TNFAIP1: variants seen among roughly 807,000 people sequenced by gnomAD.
TNFAIP1 encodes TNF alpha induced protein 1.
Under a neutral mutation model 32.6 loss-of-function variants are expected in TNFAIP1, and 20 were observed. That is an observed-to-expected ratio of 0.61 (90% confidence interval 0.43 to 0.89). The LOEUF (loss-of-function observed/expected upper bound fraction) is 0.89. Ranked by LOEUF, TNFAIP1 falls within the 40% of genes least tolerant of loss-of-function variation. The probability of loss-of-function intolerance (pLI) is 0.00; values close to 1 mark genes in which losing one functional copy is unlikely to be tolerated. For missense variants in TNFAIP1, 319 were observed against 425.1 expected (o/e 0.75, Z 2.20); for synonymous variants, 166 against 166.8 (o/e 1.00, Z 0.04).
chr17:28,346,973 C>T lies in TNFAIP1; in HGVS notation c.*2373C>T, dbSNP rs1232280614. ...GGTTGCTCAGCATAAGTGATGGAAG[C>T]AAACACTAATTTCTAATAAAATTGT... On this transcript the variant is annotated 3_prime_UTR_variant, in exon 7 of 7. Coordinates refer to ENST00000226225, the MANE Select transcript of TNFAIP1 (RefSeq NM_021137.5). 1 of 152,226 alleles carries T rather than the reference C, an allele frequency of 6.6e-6. No individual in the cohort carries two copies. The highest frequency in any genetic ancestry group is 1.9e-4 in the East Asian group (1 of 5,202). The allele number at this position is 152,226 out of a possible 1,614,324, so 9.4% of individuals were successfully genotyped here.
Position 28,339,426 on chromosome 17 carries a change from C to T in TNFAIP1, c.-96C>T. On this transcript the variant is annotated 5_prime_UTR_variant, in exon 2 of 7. Coordinates refer to ENST00000226225, the MANE Select transcript of TNFAIP1 (RefSeq NM_021137.5). Reference sequence around the variant, plus strand: ...TGTACAGCACTGAGATTATGAGGCTCTGGCCTCCACTGGCCACTCACTCGT... The same window carrying T: ...TGTACAGCACTGAGATTATGAGGCTTTGGCCTCCACTGGCCACTCACTCGT... 5 of 1,224,890 alleles carry T rather than the reference C, an allele frequency of 4.1e-6. No individual in the cohort carries two copies. The highest frequency in any genetic ancestry group is 5.5e-6 in the Non-Finnish European group (5 of 901,892). The allele number at this position is 1,224,890 out of a possible 1,614,324, so 75.9% of individuals were successfully genotyped here.
intron 6 of TNFAIP1, among the ~76,000 whole-genome samples, chr17:28,343,641 G>A (rs1007691258): frequency 9.9e-5 from 15 of 151,936 alleles, no homozygotes; most frequent in Admixed American, 3.9e-4. Flanking sequence ...AAGTGGCAGC[G>A]CACCTGGCAT....
Position 28,342,156 on chromosome 17 carries a change from G to C in TNFAIP1, c.519-91G>C. On this transcript the variant is annotated intron_variant, in intron 5 of 6. Transcript: ENST00000226225. The surrounding 1 kb of genome is among the most constrained non-coding windows in gnomAD (Gnocchi z 4.0). ...TTCATTTCGGCAGGACAGGATGGGG[G>C]AAGGGAGGGAGGGGAGGGCCCCACT... 2 of 1,151,248 alleles carry C rather than the reference G, an allele frequency of 1.7e-6. No homozygotes were observed. The highest frequency in any genetic ancestry group is 2.4e-6 in the Non-Finnish European group (2 of 835,254). The allele number at this position is 1,151,248 out of a possible 1,614,324, so 71.3% of individuals were successfully genotyped here.
In TNFAIP1 at chr17:28,346,081, G is replaced by A. The variant is rs1366031534; in HGVS notation, c.*1481G>A. On this transcript the variant is annotated 3_prime_UTR_variant, in exon 7 of 7. Coordinates refer to ENST00000226225, the MANE Select transcript of TNFAIP1 (RefSeq NM_021137.5). ...TCTCTTGACTACTCTTATGATAGCT[G>A]ATGCCACAGAGCCTATGGGCAAATG... 6.6e-6 allele frequency: 1 copy of A among 152,258 alleles called. No homozygotes were observed. The highest frequency in any genetic ancestry group is 1.5e-5 in the Non-Finnish European group (1 of 68,048). 9.4% of individuals were successfully genotyped at this position (152,258 alleles called of 1,614,324 possible). A position where few individuals can be genotyped will look rare whatever the true frequency, so the allele number is the denominator to read the frequency against.
Position 28,339,429 on chromosome 17 carries a change from G to A in TNFAIP1, c.-93G>A. 3 of 1,256,720 alleles carry A rather than the reference G, an allele frequency of 2.4e-6. No homozygotes were observed. Among genetic ancestry groups the A allele is most frequent in the Non-Finnish European group, 3.2e-6 (3 of 929,594 alleles). The allele number at this position is 1,256,720 out of a possible 1,614,324, so 77.8% of individuals were successfully genotyped here. ...ACAGCACTGAGATTATGAGGCTCTG[G>A]CCTCCACTGGCCACTCACTCGTGAC... On this transcript the variant is annotated 5_prime_UTR_variant, in exon 2 of 7. An upstream open reading frame in the 5' UTR gains an earlier in-frame stop. Transcript: ENST00000226225.
rs3093690 is a variant in TNFAIP1 at position 28,343,162 on chromosome 17, A to G, written c.714+720A>G. On this transcript the variant is annotated intron_variant, in intron 6 of 6. Coordinates refer to ENST00000226225, the MANE Select transcript of TNFAIP1 (RefSeq NM_021137.5). The stretch of plus-strand genomic sequence containing the variant: ...CCACTTCCAAACACTTTTAATAATA[A>G]TAAAATAAAATCTCCTTACTGGCCC... 6.4e-3 allele frequency among the ~76,000 whole-genome samples: 974 copies of G among 152,242 alleles called. 14 individuals carry two copies. The highest frequency in any genetic ancestry group is 0.022 in the African/African-American group (931 of 41,524).
chr17:28,344,456 C>T lies in TNFAIP1; in HGVS notation c.807C>T (p.Ala269=). Reference sequence around the variant, plus strand: ...TCCCCGACAACTCCTTGTTGGAGGCCACAAGCCGTAGCCGCAGCCAGGCTT... The same window carrying T: ...TCCCCGACAACTCCTTGTTGGAGGCTACAAGCCGTAGCCGCAGCCAGGCTT... ...PRVPDNSLLE[A]TSRSRSQASP... is the part of the protein sequence containing the mutation. Residue 269 remains alanine (A), a synonymous_variant, in exon 7 of 7, where the codon GCC becomes GCT. Coordinates refer to ENST00000226225, the MANE Select transcript of TNFAIP1 (RefSeq NM_021137.5). 1 of 1,613,934 alleles carries T rather than the reference C, an allele frequency of 6.2e-7. No homozygotes were observed. The highest frequency in any genetic ancestry group is 8.5e-7 in the Non-Finnish European group (1 of 1,180,032).
At chr17:28,343,524 C>A (rs1555578461) in intron 6 of TNFAIP1, among the ~76,000 whole-genome samples, 1 of 102,210 alleles carries the variant, frequency 9.8e-6, no homozygotes, top group Non-Finnish European at 1.8e-5. Flanking sequence ...CTTCCTTCTG[C>A]GGTTTTTGGT....
In TNFAIP1 at chr17:28,340,111, G is replaced by A. The variant is rs894685292; in HGVS notation, c.206-198G>A. On this transcript the variant is annotated intron_variant, in intron 2 of 6. Transcript: ENST00000226225. The surrounding 1 kb of genome is among the most constrained non-coding windows in gnomAD (Gnocchi z 4.1). ...CCCCCGTGGGATGTGCCAGTTCTGG[G>A]TTTCAGAGAGGAAGGGTGAAGAGCA... Among the ~76,000 whole-genome samples the A allele has an allele frequency of 2.0e-5, 3 of 152,114 alleles. No homozygotes were observed. The highest frequency in any genetic ancestry group is 2.9e-5 in the Non-Finnish European group (2 of 68,014).
intron 1 of TNFAIP1, 119 bp from the exon 2 acceptor site, chr17:28,339,289 G>A: frequency 2.5e-6 from 1 of 393,398 alleles, no homozygotes; most frequent in Non-Finnish European, 4.5e-6. Flanking sequence ...CTTAGCCTCT[G>A]CCAGGGAGCA....
Position 28,339,705 on chromosome 17 carries a change from G to C in TNFAIP1, c.184G>C (p.Glu62Gln), listed in dbSNP as rs1907298943. Reference sequence around the variant, plus strand: ...CAAGGCCATGTTCAGTGGGCGCATGGAGGTGCTGACCGACAAAGAAGGTGA... The same window carrying C: ...CAAGGCCATGTTCAGTGGGCGCATGCAGGTGCTGACCGACAAAGAAGGTGA... ...MLKAMFSGRMEVLTDKEGWIL... is the reference protein window; with the variant it reads ...MLKAMFSGRMQVLTDKEGWIL... The change falls in exon 2 of 7, where the codon GAG becomes CAG. Residue 62 changes from glutamate to glutamine, a missense_variant. Coordinates refer to ENST00000226225, the MANE Select transcript of TNFAIP1 (RefSeq NM_021137.5). 6.2e-7 allele frequency: 1 copy of C among 1,613,952 alleles called. No homozygotes were observed. Among genetic ancestry groups the C allele is most frequent in the Non-Finnish European group, 8.5e-7 (1 of 1,179,994 alleles).
intron 2 of TNFAIP1, among the ~76,000 whole-genome samples, chr17:28,339,946 G>T (rs1907306643): frequency 6.6e-6 from 1 of 152,190 alleles, no homozygotes; most frequent in African/African-American, 2.4e-5. Context: ...ATTTAAATAG[G>T]ACAAGATTCT....
intron 1 of TNFAIP1, among the ~76,000 whole-genome samples, chr17:28,338,091 A>G (rs782400578): frequency 1.4e-4 from 21 of 152,222 alleles, no homozygotes; most frequent in Non-Finnish European, 3.1e-4. Flanking sequence ...ACTGCTTAAC[A>G]TAGTAGGCAC....
In TNFAIP1 at chr17:28,344,350, CT is replaced by C; in HGVS notation, c.715-13del. On this transcript the variant is annotated splice_polypyrimidine_tract_variant and intron_variant, in intron 6 of 6. Coordinates refer to ENST00000226225, the MANE Select transcript of TNFAIP1 (RefSeq NM_021137.5). The stretch of plus-strand genomic sequence containing the variant: ...GATGAAACCTTGCTCCACCTTCTTC[CT>C]CCCTAACCCCAGGTGGAATTCCCAG... 6.2e-7 allele frequency: 1 copy of C among 1,607,234 alleles called. No individual in the cohort carries two copies. The highest frequency in any genetic ancestry group is 8.5e-7 in the Non-Finnish European group (1 of 1,174,600).
intron 6 of TNFAIP1, among the ~76,000 whole-genome samples, chr17:28,343,863 G>C (rs1425359786): frequency 6.6e-6 from 1 of 152,090 alleles, no homozygotes; most frequent in African/African-American, 2.4e-5. Flanking sequence ...GCGTCAGGCA[G>C]GCAGAGAAAG....
At chr17:28,343,517 C>T (rs1268626600) in intron 6 of TNFAIP1, among the ~76,000 whole-genome samples, 1 of 147,126 alleles carries the variant, frequency 6.8e-6, no homozygotes, top group African/African-American at 2.5e-5. Flanking sequence ...GGCCCTGCTT[C>T]CTTCTGCGGT....
intron 1 of TNFAIP1, among the ~76,000 whole-genome samples, chr17:28,339,202 C>CA (rs1907269779): frequency 6.7e-6 from 1 of 148,564 alleles, no homozygotes; most frequent in African/African-American, 2.5e-5. Flanking sequence ...GGCACCACTG[C>CA]ACTCCAGCCT....
At position 28,342,359 on chromosome 17, in the gene TNFAIP1, T is replaced by C. The variant is rs1014010051; in HGVS notation, c.631T>C (p.Trp211Arg). Residue 211 changes from tryptophan to arginine, a missense_variant, in exon 6 of 7, where the codon TGG becomes CGG. Physicochemically the swap from Trp to Arg is moderately radical, Grantham distance 101. Coordinates refer to ENST00000226225, the MANE Select transcript of TNFAIP1 (RefSeq NM_021137.5). This position sits in a 1 kb window ranked among gnomAD's most constrained non-coding sequence, Gnocchi z 4.0. Reference protein sequence around the residue: ...KDVIGDEICCWSFYGQGRKLA... With the variant: ...KDVIGDEICCRSFYGQGRKLA... ...TGTCATTGGTGACGAGATCTGCTGC[T>C]GGTCCTTTTATGGCCAGGGCCGTAA... 6.2e-7 allele frequency: 1 copy of C among 1,608,148 alleles called. No individual in the cohort carries two copies. Among genetic ancestry groups the C allele is most frequent in the Non-Finnish European group, 8.5e-7 (1 of 1,174,844 alleles).
chr17:28,342,493 C>T lies in TNFAIP1; in HGVS notation c.714+51C>T, dbSNP rs781931596. On this transcript the variant is annotated intron_variant, in intron 6 of 6. Transcript: ENST00000226225. This position sits in a 1 kb window ranked among gnomAD's most constrained non-coding sequence, Gnocchi z 4.0. ...TAGGGGAGGACACACACCCACTGTG[C>T]GGGGGACGTGGTCGGGCTGTGACCA... The T allele has an allele frequency of 5.3e-6, 8 of 1,510,292 alleles. No homozygotes were observed. Among genetic ancestry groups the T allele is most frequent in the African/African-American group, 2.7e-5 (2 of 73,084 alleles). 93.6% of individuals were successfully genotyped at this position (1,510,292 alleles called of 1,614,324 possible).
Sources: allele counts gnomAD v4.1 joint callset (sites outside exome capture counted in the v4.1 genomes callset), GRCh38; gene constraint gnomAD v4.1.1; non-coding constraint Gnocchi (gnomAD v3.1); transcripts MANE v1.5; gene names NCBI Gene and HGNC (gene_info 2026-07-23, HGNC 2026-07-21).